The following HSD17B2 variants were observed in gnomAD, a reference collection of about 807,000 sequenced individuals.
HSD17B2 encodes the protein hydroxysteroid 17-beta dehydrogenase 2.
HSD17B2 carries 32 observed loss-of-function variants against 26.9 expected under a neutral mutation model. The observed-to-expected ratio is 1.19, with a 90% CI of 0.90 to 1.60. HSD17B2 has a LOEUF of 1.60. Ranked by LOEUF, HSD17B2 falls within the 40% of genes most tolerant of loss-of-function variation. The pLI is 0.00. For synonymous variants in HSD17B2, 246 were observed against 186.7 expected (o/e 1.32, Z -2.59); for missense variants, 613 against 468.6 (o/e 1.31, Z -2.85).
chr16:82,061,995 G>A (rs746876201), intron 1 of HSD17B2, among the ~76,000 whole-genome samples: 2 of 152,148 alleles, frequency 1.3e-5, no homozygotes, highest in Admixed American at 1.3e-4. Flanking sequence ...TCCCAAACAC[G>A]CGTTATTCAC....
intron 3 of HSD17B2, chr16:82,090,140 T>C (rs1487859485): frequency 1.4e-6 from 1 of 718,996 alleles, no homozygotes; most frequent in Non-Finnish European, 1.7e-6. Flanking sequence ...GCAACAAGTA[T>C]TGAGCACAAT....
intron 1 of HSD17B2, among the ~76,000 whole-genome samples, chr16:82,043,016 G>T (rs1042581828): frequency 2.6e-5 from 4 of 152,246 alleles, no homozygotes; most frequent in Non-Finnish European, 1.5e-5. Flanking sequence ...CCTGCAGAGA[G>T]GAGCAGGCAG....
chr16:82,060,564 C>G (rs1914405557), intron 1 of HSD17B2, among the ~76,000 whole-genome samples: 1 of 152,228 alleles, frequency 6.6e-6, no homozygotes, highest in South Asian at 2.1e-4. Context: ...AGTCTTTGTT[C>G]AAATTTTTGC....
At chr16:82,076,510 A>G (rs1225671137) in intron 3 of HSD17B2, among the ~76,000 whole-genome samples, 1 of 152,268 alleles carries the variant, frequency 6.6e-6, no homozygotes, top group African/African-American at 2.4e-5. Context: ...ATCAAAAACA[A>G]TTAAAACTGA....
At chr16:82,078,783 T>G (rs1176017657) in intron 3 of HSD17B2, among the ~76,000 whole-genome samples, 1 of 152,184 alleles carries the variant, frequency 6.6e-6, no homozygotes, top group Non-Finnish European at 1.5e-5. Flanking sequence ...AAAGACAAAC[T>G]TCACATGTTC....
chr16:82,041,311 G>A (rs777694742), intron 1 of HSD17B2, among the ~76,000 whole-genome samples: 7 of 152,176 alleles, frequency 4.6e-5, no homozygotes, highest in African/African-American at 4.8e-5. Flanking sequence ...TTTCATGGTC[G>A]TTAGTTGGAC....
intron 1 of HSD17B2, among the ~76,000 whole-genome samples, chr16:82,061,823 T>TA (rs1293147194): frequency 1.3e-5 from 2 of 152,224 alleles, no homozygotes; most frequent in Non-Finnish European, 2.9e-5. Flanking sequence ...TATTAATGAC[T>TA]AAAAAACATT....
chr16:82,047,825 AG>A (rs1567578823), intron 1 of HSD17B2, among the ~76,000 whole-genome samples: 2 of 152,194 alleles, frequency 1.3e-5, no homozygotes, highest in African/African-American at 4.8e-5. Flanking sequence ...AGCTCCATGC[AG>A]GGAGGCACTA....
chr16:82,060,556 T>C (rs1412532029), intron 1 of HSD17B2, among the ~76,000 whole-genome samples: 3 of 152,178 alleles, frequency 2.0e-5, no homozygotes, highest in Admixed American at 2.0e-4. Context: ...CGATTCTGAG[T>C]CTTTGTTCAA....
chr16:82,063,113 G>A (rs903837539), intron 1 of HSD17B2: 3 of 152,194 alleles, frequency 2.0e-5, no homozygotes, highest in Non-Finnish European at 2.9e-5. Flanking sequence ...AGGAAGTGGA[G>A]GTTCCACATG....
At chr16:82,092,173 C>T (rs1447569449) in intron 4 of HSD17B2, 1 of 152,146 alleles carries the variant, frequency 6.6e-6, no homozygotes, top group East Asian at 1.9e-4. Flanking sequence ...ATTTATTAGT[C>T]TTTTGCTGCC....
At chr16:82,062,562 C>T (rs956429436) in intron 1 of HSD17B2, among the ~76,000 whole-genome samples, 1 of 152,200 alleles carries the variant, frequency 6.6e-6, no homozygotes, top group Non-Finnish European at 1.5e-5. Flanking sequence ...CTGTGCCTGG[C>T]TCCAAACTAC....
intron 3 of HSD17B2, among the ~76,000 whole-genome samples, chr16:82,078,417 C>A (rs1224868332): frequency 1.3e-5 from 2 of 152,108 alleles, no homozygotes; most frequent in African/African-American, 4.8e-5. Context: ...AGAAAGAGAA[C>A]CCTTGTACAC....
Position 82,064,038 on chromosome 16 carries a change from CAA to C in HSD17B2, c.266-4129_266-4128del, listed in dbSNP as rs1914514155. On this transcript the variant is annotated intron_variant, in intron 1 of 4. Transcript: ENST00000199936. ...TTGCAGTGAGCTGTTTCCCAGAACA[CAA>C]AAGGGTGGGGACATTTCTTAACCTT... 3.3e-5 allele frequency among the ~76,000 whole-genome samples: 5 copies of C among 152,264 alleles called. No individual in the cohort carries two copies. The South Asian group carries it at 8.3e-4, about 25-fold the overall frequency.
rs1014289259 is a variant in HSD17B2 at position 82,068,551 on chromosome 16, T to C, written c.478+169T>C. On this transcript the variant is annotated intron_variant, in intron 2 of 4. Transcript: ENST00000199936. ...GGGGGCCTCTATCAACATGAAGACC[T>C]TCGGAGTAACTCAGACATGGGCCCA... 2.0e-5 allele frequency among the ~76,000 whole-genome samples: 3 copies of C among 152,096 alleles called. No homozygotes were observed. The East Asian group carries it at 5.8e-4, about 29-fold the overall frequency.
chr16:82,061,739 G>C lies in HSD17B2; in HGVS notation c.266-6431G>C, dbSNP rs562310377. ...AACATTATGAGAGTTATGCAATATGGTGAGATTATGGAGAATACCTTCTTT... is the reference window on the plus strand; with the variant it reads ...AACATTATGAGAGTTATGCAATATGCTGAGATTATGGAGAATACCTTCTTT... On this transcript the variant is annotated intron_variant, in intron 1 of 4. Coordinates refer to ENST00000199936, the MANE Select transcript of HSD17B2 (RefSeq NM_002153.3). Among the ~76,000 whole-genome samples the C allele has an allele frequency of 9.8e-5, 15 of 152,320 alleles. No individual in the cohort carries two copies. The South Asian group carries it at 2.7e-3, about 27-fold the overall frequency.
intron 1 of HSD17B2, among the ~76,000 whole-genome samples, chr16:82,047,830 G>A (rs560062843): frequency 2.6e-5 from 4 of 152,272 alleles, no homozygotes; most frequent in African/African-American, 9.6e-5. Flanking sequence ...CATGCAGGGA[G>A]GCACTATGGC....
intron 1 of HSD17B2, among the ~76,000 whole-genome samples, chr16:82,036,026 T>A (rs1434093856): frequency 6.6e-6 from 1 of 152,194 alleles, no homozygotes; most frequent in Non-Finnish European, 1.5e-5. Flanking sequence ...TAGGCTTAAA[T>A]GGACTTTTGT....
intron 3 of HSD17B2, among the ~76,000 whole-genome samples, chr16:82,084,573 T>C (rs1329030411): frequency 2.0e-5 from 3 of 152,178 alleles, no homozygotes; most frequent in African/African-American, 7.2e-5. Context: ...TTTATTTTTT[T>C]ACCTAGAATT....
Sources: gnomAD v4.1 joint callset for allele counts (sites outside exome capture counted in the v4.1 genomes callset) on GRCh38, gnomAD v4.1.1 for gene constraint, MANE v1.5 for transcripts, NCBI Gene and HGNC (gene_info 2026-07-23, HGNC 2026-07-21) for gene names.